CSMD3: variants seen among roughly 807,000 people sequenced by gnomAD.
CSMD3 encodes the protein CUB and sushi domain-containing protein 3.
A neutral mutation model predicts 435.2 loss-of-function variants in CSMD3; 177 were observed. The ratio of observed to expected loss-of-function variants is 0.41; its 90% CI spans 0.36 to 0.46. The LOEUF is 0.46. Ranked by LOEUF, CSMD3 falls within the 20% of genes least tolerant of loss-of-function variation. CSMD3 has a pLI of 0.34. For synonymous variants in CSMD3, 1,656 were observed against 1,520.5 expected, an observed-to-expected ratio of 1.09 and a Z score of -2.07; for missense variants, 4,265 against 4,504.6, an observed-to-expected ratio of 0.95 and a Z score of 1.52.
At chr8:113,131,942 A>G (rs1348836221) in intron 4 of CSMD3, among the ~76,000 whole-genome samples, 4 of 152,080 alleles carry the variant, frequency 2.6e-5, no homozygotes, top group Non-Finnish European at 5.9e-5. Flanking sequence ...CAATTCTCCC[A>G]CCTTGCCTCA....
intron 41 of CSMD3, among the ~76,000 whole-genome samples, chr8:112,342,428 T>C (rs1038005230): frequency 2.0e-5 from 3 of 152,164 alleles, no homozygotes; most frequent in Non-Finnish European, 4.4e-5. Context: ...TTTCTTACTA[T>C]TATCACTCTC....
intron 27 of CSMD3, among the ~76,000 whole-genome samples, chr8:112,543,213 T>C (rs1011187521): frequency 2.9e-5 from 4 of 136,378 alleles, no homozygotes; most frequent in African/African-American, 8.2e-5. Context: ...TTCATGGACA[T>C]GACACCAAAG....
intron 13 of CSMD3, among the ~76,000 whole-genome samples, chr8:112,726,213 G>A (rs1305819904): frequency 6.6e-6 from 1 of 151,930 alleles, no homozygotes; most frequent in Admixed American, 6.6e-5. Flanking sequence ...GGGGATTATA[G>A]GGATTATGGA....
At chr8:112,506,179 T>C (rs867461249) in intron 29 of CSMD3, among the ~76,000 whole-genome samples, 1 of 152,170 alleles carries the variant, frequency 6.6e-6, no homozygotes. Flanking sequence ...TTTACAATTA[T>C]GCTAAATTTT....
chr8:113,160,707 A>T (rs2092022925), intron 4 of CSMD3, among the ~76,000 whole-genome samples: 1 of 152,098 alleles, frequency 6.6e-6, no homozygotes, highest in Non-Finnish European at 1.5e-5. Context: ...GCATAAAGAT[A>T]AATTATTCAA....
At chr8:113,216,038 A>T (rs766624799) in intron 3 of CSMD3, among the ~76,000 whole-genome samples, 5 of 151,854 alleles carry the variant, frequency 3.3e-5, no homozygotes, top group Non-Finnish European at 5.9e-5. Flanking sequence ...GTAATCTGGA[A>T]ATATATTAAA....
chr8:112,742,320 C>A (rs1321161694), intron 13 of CSMD3, among the ~76,000 whole-genome samples: 1 of 151,850 alleles, frequency 6.6e-6, no homozygotes, highest in Non-Finnish European at 1.5e-5. Context: ...CTCCTTAATG[C>A]CTCCTTTTCC....
chr8:112,641,347 C>T (rs73702361), intron 20 of CSMD3, among the ~76,000 whole-genome samples: 2,798 of 152,202 alleles, frequency 0.018, 78 homozygotes, highest in African/African-American at 0.064. Flanking sequence ...TGAGAAACTA[C>T]TATATTCTAG....
At chr8:112,496,025 A>G (rs1193232454) in intron 30 of CSMD3, among the ~76,000 whole-genome samples, 1 of 152,112 alleles carries the variant, frequency 6.6e-6, no homozygotes, top group Non-Finnish European at 1.5e-5. Flanking sequence ...GCTGGAGTGT[A>G]GTGGTGCGAT....
intron 45 of CSMD3, among the ~76,000 whole-genome samples, chr8:112,329,785 A>G (rs1249833912): frequency 6.6e-6 from 1 of 152,178 alleles, no homozygotes; most frequent in East Asian, 1.9e-4. Flanking sequence ...TAATTTTGAC[A>G]TGACTTTTAG....
Position 113,173,738 on chromosome 8 carries a change from A to C in CSMD3, c.693T>G (p.Pro231=). 1 of 1,612,752 alleles carries C rather than the reference A, an allele frequency of 6.2e-7. No homozygotes were observed. Among genetic ancestry groups the C allele is most frequent in the Non-Finnish European group, 8.5e-7 (1 of 1,178,838 alleles). Residue 231 remains proline, a synonymous_variant, in exon 4 of 71, where the codon CCT becomes CCG. Coordinates refer to ENST00000297405, the MANE Select transcript of CSMD3 (RefSeq NM_198123.2). ...TCATTTTACCTCTACAGATAGGAAC[A>C]GGAAAATCCCACGAAGCTGTATTAA... ...NSVNTASWDF[P]VPICRAEDAC... is the part of the protein sequence containing the mutation.
At chr8:112,246,251 A>T (rs1166752425) in intron 64 of CSMD3, among the ~76,000 whole-genome samples, 1 of 152,188 alleles carries the variant, frequency 6.6e-6, no homozygotes, top group Non-Finnish European at 1.5e-5. Flanking sequence ...CTGAACAGGG[A>T]TAGAGTAAAT....
intron 3 of CSMD3, among the ~76,000 whole-genome samples, chr8:113,268,691 T>C (rs1439131248): frequency 6.6e-6 from 1 of 152,020 alleles, no homozygotes; most frequent in East Asian, 1.9e-4. Context: ...AAATACACTT[T>C]GAAAATGGAG....
Position 113,173,766 on chromosome 8 carries a change from G to A in CSMD3, c.665C>T (p.Ser222Leu), listed in dbSNP as rs2131890200. Reference protein sequence around the residue: ...GHPQLTCIANSVNTASWDFPV... With the variant: ...GHPQLTCIANLVNTASWDFPV... ...AAAATCCCACGAAGCTGTATTAACT[G>A]AATTGGCTATGCAGGTGAGCTGAGG... The change falls in exon 4 of 71, where the codon TCA becomes TTA. Residue 222 changes from serine to leucine, a missense_variant. By Grantham distance (145) the Ser-to-Leu change is moderately radical (BLOSUM62 -2). Transcript: ENST00000297405. 2 of 1,613,720 alleles carry A rather than the reference G, an allele frequency of 1.2e-6. No homozygotes were observed. The highest frequency in any genetic ancestry group is 8.5e-7 in the Non-Finnish European group (1 of 1,179,700).
chr8:113,008,622 T>C (rs2086144818), intron 6 of CSMD3, among the ~76,000 whole-genome samples: 1 of 151,712 alleles, frequency 6.6e-6, no homozygotes, highest in African/African-American at 2.4e-5. Context: ...CTTTATTGTT[T>C]TATAGGCTAC....
At chr8:112,387,301 C>T (rs1031782112) in intron 36 of CSMD3, among the ~76,000 whole-genome samples, 15 of 152,250 alleles carry the variant, frequency 9.9e-5, no homozygotes, top group African/African-American at 3.4e-4. Context: ...GAATGATTAT[C>T]CCACTTTATC....
intron 1 of CSMD3, among the ~76,000 whole-genome samples, chr8:113,336,517 T>C (rs989602768): frequency 6.6e-6 from 1 of 152,172 alleles, no homozygotes; most frequent in Admixed American, 6.6e-5. Context: ...GATATTTTCA[T>C]ATTATGCTAA....
rs183746732 is a variant in CSMD3 at position 112,341,704 on chromosome 8, C to A, written c.6443-18G>T. ...ATGTACACCTGAAGAAGAAAACAAA[C>A]AGAATGCTACTTTATTTGCTTTACC... On this transcript the variant is annotated intron_variant, in intron 41 of 70. Transcript: ENST00000297405. The A allele has an allele frequency of 6.3e-3, 8,957 of 1,432,456 alleles. 27 individuals are homozygous for A. The highest frequency in any genetic ancestry group is 7.8e-3 in the Non-Finnish European group (7,902 of 1,016,642). The allele number at this position is 1,432,456 out of a possible 1,614,324, so 88.7% of individuals were successfully genotyped here. A position where few individuals can be genotyped will look rare whatever the true frequency, so the allele number is the denominator to read the frequency against.
At chr8:112,913,604 A>AT (rs1320163777) in intron 10 of CSMD3, among the ~76,000 whole-genome samples, 1 of 151,240 alleles carries the variant, frequency 6.6e-6, no homozygotes, top group Non-Finnish European at 1.5e-5. Context: ...GCAGGTAGAG[A>AT]TTTTTCCCAT....
Sources: allele counts gnomAD v4.1 joint callset (sites outside exome capture counted in the v4.1 genomes callset), GRCh38; gene constraint gnomAD v4.1.1; transcripts MANE v1.5; gene names NCBI Gene and HGNC (gene_info 2026-07-23, HGNC 2026-07-21).